Variants in ACTR3C observed in about 807,000 individuals in gnomAD.
ACTR3C encodes the protein actin related protein 3C, also known as actin-related protein 3C.
Under a neutral mutation model 26.3 loss-of-function variants are expected in ACTR3C, and 18 were observed. The observed-to-expected ratio is 0.68, with a 90% CI of 0.47 to 1.01. The LOEUF is 1.01. Among genes scored for constraint, ACTR3C ranks in the 50% least tolerant of loss-of-function variants. ACTR3C has a pLI of 0.00. For synonymous variants in ACTR3C, 55 were observed against 94.5 expected (o/e 0.58, Z 2.42); for missense variants, 184 against 250.7 (o/e 0.73, Z 1.80).
chr7:150,307,904 T>C (rs906088131), intron 1 of ACTR3C, among the ~76,000 whole-genome samples: 1 of 152,172 alleles, frequency 6.6e-6, no homozygotes, highest in Non-Finnish European at 1.5e-5. Context: ...TCAACCTCTT[T>C]CTCCTTTCAA....
chr7:150,043,839 A>C, the ACTR3C span, among the ~76,000 whole-genome samples: 5,132 of 152,356 alleles, frequency 0.034, 140 homozygotes, highest in Middle Eastern at 0.058. Flanking sequence ...ATTTGTAGAG[A>C]GAAGCTAGTT....
chr7:150,205,316 T>A, the ACTR3C span, among the ~76,000 whole-genome samples: 1 of 152,214 alleles, frequency 6.6e-6, no homozygotes, highest in African/African-American at 2.4e-5. Flanking sequence ...CTTTGCACAT[T>A]ACACATCATT....
At chr7:150,121,378 A>G in the ACTR3C span, among the ~76,000 whole-genome samples, 19 of 152,134 alleles carry the variant, frequency 1.2e-4, no homozygotes, top group African/African-American at 4.3e-4. Context: ...CAACTTCAGC[A>G]AAGTCTCAGG....
intron 6 of ACTR3C, among the ~76,000 whole-genome samples, chr7:150,265,418 G>A (rs1833956583): frequency 6.6e-6 from 1 of 151,406 alleles, no homozygotes. Flanking sequence ...TTTAGGTCTG[G>A]CATGATGGCT....
chr7:149,971,525 T>C, the ACTR3C span, among the ~76,000 whole-genome samples: 1 of 152,218 alleles, frequency 6.6e-6, no homozygotes, highest in African/African-American at 2.4e-5. Context: ...TTTTATTTAA[T>C]AAAAGTAAAA....
At chr7:150,189,245 CTTTGGGCT>C in the ACTR3C span, among the ~76,000 whole-genome samples, 1 of 152,076 alleles carries the variant, frequency 6.6e-6, no homozygotes, top group East Asian at 1.9e-4. Flanking sequence ...TTCTTTTTGC[CTTTGGGCT>C]TATAGTATCA....
chr7:149,925,642 G>A, the ACTR3C span, among the ~76,000 whole-genome samples: 1 of 151,930 alleles, frequency 6.6e-6, no homozygotes, highest in Admixed American at 6.6e-5. Flanking sequence ...AGATAAACAG[G>A]ACAGCCATAG....
At chr7:150,273,617 T>C (rs997349360) in intron 6 of ACTR3C, among the ~76,000 whole-genome samples, 5 of 150,618 alleles carry the variant, frequency 3.3e-5, no homozygotes, top group South Asian at 2.1e-4. Context: ...TTGTTTACTT[T>C]CGCAGTTTAA....
At chr7:149,941,244 C>T in the ACTR3C span, among the ~76,000 whole-genome samples, 15 of 152,116 alleles carry the variant, frequency 9.9e-5, no homozygotes, top group Non-Finnish European at 1.8e-4. Context: ...ACACTCACTG[C>T]AATCATGATT....
intron 3 of ACTR3C, among the ~76,000 whole-genome samples, chr7:150,290,448 C>A (rs1299553851): frequency 4.6e-5 from 7 of 152,232 alleles, no homozygotes; most frequent in Admixed American, 2.6e-4. Flanking sequence ...AGGATGCTGA[C>A]CGTCAGAGTG....
the ACTR3C span, among the ~76,000 whole-genome samples, chr7:150,105,093 T>C: frequency 2.0e-5 from 3 of 150,924 alleles, no homozygotes; most frequent in African/African-American, 7.3e-5. Context: ...TTCTTTTTTT[T>C]TTTTTTTGAG....
At chr7:150,110,634 G>GA in the ACTR3C span, among the ~76,000 whole-genome samples, 1 of 147,798 alleles carries the variant, frequency 6.8e-6, no homozygotes, top group South Asian at 2.1e-4. Flanking sequence ...ACTCTGGCTG[G>GA]AGGAGGTGGG....
the ACTR3C span, among the ~76,000 whole-genome samples, chr7:150,083,526 CA>C: frequency 5.3e-5 from 8 of 152,148 alleles, no homozygotes; most frequent in South Asian, 4.1e-4. Context: ...ATGATTGCAC[CA>C]CTTCACTCCC....
chr7:149,891,156 A>T, the ACTR3C span: 2 of 608,028 alleles, frequency 3.3e-6, no homozygotes, highest in Admixed American at 3.1e-5. Flanking sequence ...TTTGGAATTT[A>T]CAGGAATATA....
chr7:150,318,515 G>A (rs368231730), intron 1 of ACTR3C, among the ~76,000 whole-genome samples: 1 of 152,156 alleles, frequency 6.6e-6, no homozygotes, highest in Admixed American at 6.5e-5. Context: ...TGTAATCCCA[G>A]CACTTTGGGA....
At chr7:149,924,191 C>A in the ACTR3C span, among the ~76,000 whole-genome samples, 1 of 150,114 alleles carries the variant, frequency 6.7e-6, no homozygotes, top group African/African-American at 2.4e-5. Context: ...GCCTGGCCAA[C>A]ATGGTGGAAG....
chr7:150,313,061 G>A (rs1047583011), intron 1 of ACTR3C, among the ~76,000 whole-genome samples: 2 of 152,102 alleles, frequency 1.3e-5, no homozygotes, highest in African/African-American at 4.8e-5. Flanking sequence ...TGAATCTTAT[G>A]ATCTCCCCAC....
chr7:149,918,582 C>T, the ACTR3C span, among the ~76,000 whole-genome samples: 5 of 152,078 alleles, frequency 3.3e-5, no homozygotes, highest in South Asian at 2.1e-4. Flanking sequence ...CCCAGCTACT[C>T]GGGAGGCTGA....
the ACTR3C span, among the ~76,000 whole-genome samples, chr7:150,164,968 G>GC: frequency 1.3e-5 from 2 of 152,114 alleles, no homozygotes; most frequent in Non-Finnish European, 2.9e-5. Flanking sequence ...CCCTCCTGGG[G>GC]CCCCCTCTGT....
Sources: allele counts gnomAD v4.1 joint callset (sites outside exome capture counted in the v4.1 genomes callset), GRCh38; gene constraint gnomAD v4.1.1; transcripts MANE v1.5; gene names NCBI Gene and HGNC (gene_info 2026-07-23, HGNC 2026-07-21).